The following POU2F3 variants were observed in gnomAD, a reference collection of about 807,000 sequenced individuals.
POU2F3 encodes the protein POU domain, class 2, transcription factor 3.
Under a neutral mutation model 59.2 loss-of-function variants are expected in POU2F3, and 23 were observed. The ratio of observed to expected loss-of-function variants is 0.39; its 90% CI spans 0.28 to 0.55. The LOEUF is 0.55. POU2F3 is among the 20% of genes least tolerant of loss of function. The pLI is 0.66. For missense variants in POU2F3, 473 were observed against 544.5 expected (o/e 0.87, Z 1.31); for synonymous variants, 190 against 214.6 (o/e 0.89, Z 1.00).
intron 3 of POU2F3, among the ~76,000 whole-genome samples, chr11:120,288,064 C>A (rs1940849266): frequency 7.7e-6 from 1 of 129,968 alleles, no homozygotes; most frequent in Non-Finnish European, 1.6e-5. Flanking sequence ...GAAAAAAAAA[C>A]TGGGAAAAGC....
chr11:120,275,539 C>T (rs1260921207), intron 3 of POU2F3, among the ~76,000 whole-genome samples: 2 of 152,162 alleles, frequency 1.3e-5, no homozygotes, highest in African/African-American at 4.8e-5. Flanking sequence ...CTTCTGGAAC[C>T]CTCATCTTCC....
chr11:120,318,280 A>G, intron 12 of POU2F3, 73 bp from the exon 13 acceptor site: 1 of 1,431,200 alleles, frequency 7.0e-7, no homozygotes, highest in Non-Finnish European at 9.9e-7. Flanking sequence ...TGTACCTGCT[A>G]GCAGTCACTC....
At chr11:120,289,054 A>G (rs1940929645) in intron 3 of POU2F3, among the ~76,000 whole-genome samples, 1 of 152,186 alleles carries the variant, frequency 6.6e-6, no homozygotes, top group Non-Finnish European at 1.5e-5. Context: ...TCTAACACTA[A>G]GAATTCGCTT....
At position 120,305,700 on chromosome 11, in the gene POU2F3, C is replaced by G; in HGVS notation, c.684C>G (p.Thr228=). Residue 228 remains threonine (T), a synonymous_variant, in exon 8 of 13, where the codon ACC becomes ACG. Coordinates refer to ENST00000543440, the MANE Select transcript of POU2F3 (RefSeq NM_014352.4). ...ATGGCAACGACTTCAGCCAGACCAC[C>G]ATCTCACGATTTGAGGCCCTCAACC... is the stretch of plus-strand genomic sequence containing the variant. ...KLYGNDFSQT[T]ISRFEALNLS... 6.2e-7 allele frequency: 1 copy of G among 1,613,996 alleles called. No individual in the cohort carries two copies. Among genetic ancestry groups the G allele is most frequent in the Non-Finnish European group, 8.5e-7 (1 of 1,180,024 alleles).
chr11:120,273,341 A>G (rs1940158543), intron 3 of POU2F3, among the ~76,000 whole-genome samples: 1 of 152,234 alleles, frequency 6.6e-6, no homozygotes, highest in African/African-American at 2.4e-5. Context: ...TGTGAGAGAC[A>G]TGAGAATGCT....
chr11:120,299,260 G>A (rs1186018027), intron 4 of POU2F3, among the ~76,000 whole-genome samples: 1 of 152,176 alleles, frequency 6.6e-6, no homozygotes, highest in Admixed American at 6.5e-5. Context: ...GGATAGTTGG[G>A]GATTGCATGT....
At chr11:120,308,100 C>T (rs1352589575) in intron 9 of POU2F3, among the ~76,000 whole-genome samples, 1 of 152,224 alleles carries the variant, frequency 6.6e-6, no homozygotes, top group African/African-American at 2.4e-5. Flanking sequence ...CATCTGACCT[C>T]ATTTCCTTCT....
rs925040057 is a variant in POU2F3, at chr11:120,246,593, C to G, written c.97+76C>G. On this transcript the variant is annotated intron_variant, in intron 2 of 12. Coordinates refer to ENST00000543440, the MANE Select transcript of POU2F3 (RefSeq NM_014352.4). Reference sequence around the variant, plus strand: ...TTGGGAATTGTTGAACAACTGGTGTCTCTTCTTGCTTGGTCTTTCAGCCAA... The same window carrying G: ...TTGGGAATTGTTGAACAACTGGTGTGTCTTCTTGCTTGGTCTTTCAGCCAA... The G allele has an allele frequency of 2.7e-6, 4 of 1,509,040 alleles. No homozygotes were observed. The Admixed American group carries it at 6.8e-5, about 26-fold the overall frequency. The allele number at this position is 1,509,040 out of a possible 1,614,324, so 93.5% of individuals were successfully genotyped here.
intron 3 of POU2F3, among the ~76,000 whole-genome samples, 167 bp downstream of exon 3, chr11:120,269,411 A>G (rs768495960): frequency 1.5e-4 from 23 of 152,116 alleles, no homozygotes; most frequent in Non-Finnish European, 2.6e-4. Flanking sequence ...ACCCTAACCC[A>G]TGAGCCAATG....
Position 120,240,314 on chromosome 11 carries a change from G to C in POU2F3, c.-30G>C. The stretch of plus-strand genomic sequence containing the variant: ...GGGGCAGAGGCGAGGGGCCTGGGGG[G>C]GCGCTGGCTTTGGCCCCGCCTGGGG... On this transcript the variant is annotated 5_prime_UTR_variant, in exon 1 of 13. Coordinates refer to ENST00000543440, the MANE Select transcript of POU2F3 (RefSeq NM_014352.4). The C allele has an allele frequency of 7.3e-7, 1 of 1,365,718 alleles. No homozygotes were observed. Among genetic ancestry groups the C allele is most frequent in the Non-Finnish European group, 9.5e-7 (1 of 1,048,678 alleles). 84.6% of individuals were successfully genotyped at this position (1,365,718 alleles called of 1,614,324 possible).
intron 3 of POU2F3, among the ~76,000 whole-genome samples, chr11:120,277,193 A>G (rs532012340): frequency 1.8e-4 from 28 of 152,336 alleles, no homozygotes; most frequent in African/African-American, 6.7e-4. Flanking sequence ...TGGGAGGCTG[A>G]GGCAGGAAAA....
At chr11:120,265,369 G>A (rs10790372) in intron 2 of POU2F3, 5 of 151,770 alleles carry the variant, frequency 3.3e-5, no homozygotes, top group South Asian at 2.1e-4. Context: ...TCTGCCCTCC[G>A]GCAGCGCTAG....
intron 3 of POU2F3, among the ~76,000 whole-genome samples, chr11:120,273,829 A>T (rs1940184781): frequency 6.6e-6 from 1 of 152,170 alleles, no homozygotes; most frequent in African/African-American, 2.4e-5. Context: ...CAGCCTGGTC[A>T]GCATGGCGAA....
At chr11:120,265,520 CA>C (rs1939792368) in intron 2 of POU2F3, 2 of 152,228 alleles carry the variant, frequency 1.3e-5, no homozygotes, top group Non-Finnish European at 2.9e-5. Flanking sequence ...CATCAGGCTC[CA>C]AGTGGAGCAG....
At chr11:120,256,726 G>A (rs1005615656) in intron 2 of POU2F3, 3 of 152,220 alleles carry the variant, frequency 2.0e-5, no homozygotes, top group African/African-American at 7.2e-5. Flanking sequence ...GGAGCTGGTG[G>A]AAGCACCCCC....
chr11:120,238,916 T>C (rs972378551), upstream of POU2F3, among the ~76,000 whole-genome samples: 4 of 148,002 alleles, frequency 2.7e-5, no homozygotes, highest in Middle Eastern at 3.2e-3. Flanking sequence ...GCAATAATCA[T>C]AGTACAATGT....
rs1940748936 is a variant in POU2F3, at chr11:120,285,564, TC to T, written c.133-12699del. Among the ~76,000 whole-genome samples, 1 of 152,188 alleles carries T rather than the reference TC, an allele frequency of 6.6e-6. No individual in the cohort carries two copies. The highest frequency in any genetic ancestry group is 1.5e-5 in the Non-Finnish European group (1 of 68,030). On this transcript the variant is annotated intron_variant, in intron 3 of 12. Transcript: ENST00000543440. The surrounding 1 kb of genome is among the most constrained non-coding windows in gnomAD (Gnocchi z 4.3). ...TTATATACTTAATACATGAATACTT[TC>T]CGGTTATAAAAAAATTTCATAATAA... is the stretch of plus-strand genomic sequence containing the variant.
chr11:120,291,277 A>G (rs1941009187), intron 3 of POU2F3, among the ~76,000 whole-genome samples: 1 of 152,238 alleles, frequency 6.6e-6, no homozygotes, highest in Non-Finnish European at 1.5e-5. Flanking sequence ...AACAGATGAC[A>G]GAGACACGTG....
upstream of POU2F3, among the ~76,000 whole-genome samples, chr11:120,237,778 G>C (rs527470834): frequency 2.0e-5 from 3 of 152,278 alleles, no homozygotes; most frequent in East Asian, 5.8e-4. Context: ...GGACTTCAGG[G>C]AAGGGGCCAA....
Sources: gnomAD v4.1 joint callset for allele counts (sites outside exome capture counted in the v4.1 genomes callset) on GRCh38, gnomAD v4.1.1 for gene constraint, Gnocchi (gnomAD v3.1) non-coding constraint, MANE v1.5 for transcripts, NCBI Gene and HGNC (gene_info 2026-07-23, HGNC 2026-07-21) for gene names.